The following KCND2 variants were observed in gnomAD, a reference collection of about 807,000 sequenced individuals.
KCND2 encodes potassium voltage-gated channel subfamily D member 2, also known as A-type voltage-gated potassium channel KCND2.
Under a neutral mutation model 54.4 loss-of-function variants are expected in KCND2, and 16 were observed. The ratio of observed to expected loss-of-function variants is 0.29; its 90% CI spans 0.20 to 0.45. The LOEUF is 0.45. Among genes scored for constraint, KCND2 ranks in the 20% least tolerant of loss-of-function variants. The probability of loss-of-function intolerance (pLI) is 1.00; values close to 1 mark genes in which losing one functional copy is unlikely to be tolerated. For synonymous variants in KCND2, 317 were observed against 310.7 expected (o/e 1.02, Z -0.21); for missense variants, 486 against 824.2 (o/e 0.59, Z 5.02).
chr7:120,316,674 T>C (rs977760335), intron 1 of KCND2, among the ~76,000 whole-genome samples: 3 of 152,140 alleles, frequency 2.0e-5, no homozygotes, highest in Non-Finnish European at 2.9e-5. Context: ...TTATTCTGAT[T>C]ACGATGAAAA....
intron 1 of KCND2, among the ~76,000 whole-genome samples, chr7:120,510,941 C>T (rs1209886504): frequency 6.7e-6 from 1 of 148,756 alleles, no homozygotes; most frequent in Middle Eastern, 3.4e-3. Flanking sequence ...CTTCACATTT[C>T]GTAGAAAAAC....
chr7:120,378,636 G>T (rs1225348004), intron 1 of KCND2, among the ~76,000 whole-genome samples: 1 of 151,844 alleles, frequency 6.6e-6, no homozygotes, highest in Non-Finnish European at 1.5e-5. Context: ...TGTAAAGCAG[G>T]TTCACAAAAA....
chr7:120,520,956 G>C (rs546800691), intron 1 of KCND2, among the ~76,000 whole-genome samples: 44 of 152,236 alleles, frequency 2.9e-4, no homozygotes, highest in African/African-American at 9.4e-4. Flanking sequence ...AAAGAGAATG[G>C]AGAAAGTATA....
intron 1 of KCND2, among the ~76,000 whole-genome samples, chr7:120,343,955 T>C (rs1001950884): frequency 1.4e-4 from 22 of 152,116 alleles, no homozygotes; most frequent in Admixed American, 5.9e-4. Context: ...CATAAAGTCT[T>C]TACGACTGCA....
chr7:120,537,769 C>G (rs1310005742), intron 1 of KCND2, among the ~76,000 whole-genome samples: 1 of 152,160 alleles, frequency 6.6e-6, no homozygotes, highest in Admixed American at 6.6e-5. Flanking sequence ...AATTTGTCTT[C>G]TGCAGCTTCC....
intron 1 of KCND2, among the ~76,000 whole-genome samples, chr7:120,573,757 A>T (rs1792394169): frequency 6.6e-6 from 1 of 152,144 alleles, no homozygotes; most frequent in Admixed American, 6.6e-5. Context: ...TGCATACCAG[A>T]TATAGTCACA....
chr7:120,398,521 G>A (rs760527267), intron 1 of KCND2, among the ~76,000 whole-genome samples: 1 of 152,046 alleles, frequency 6.6e-6, no homozygotes, highest in Non-Finnish European at 1.5e-5. Context: ...TGTCTCTAGA[G>A]GGAGTGAGTG....
At position 120,606,717 on chromosome 7, in the gene KCND2, G is replaced by A. The variant is rs114641778; in HGVS notation, c.1116-126186G>A. Among the ~76,000 whole-genome samples, 997 of 151,822 alleles carry A rather than the reference G, an allele frequency of 6.6e-3. 10 individuals are homozygous for A. The highest frequency in any genetic ancestry group is 0.022 in the African/African-American group (928 of 41,462). On this transcript the variant is annotated intron_variant, in intron 1 of 5. Transcript: ENST00000331113. Reference sequence around the variant, plus strand: ...TCTGAACTTTTAATCCTATTTCATTGATATGTGTATGTAATATAATATATA... The same window carrying A: ...TCTGAACTTTTAATCCTATTTCATTAATATGTGTATGTAATATAATATATA...
chr7:120,519,240 C>A (rs552799759), intron 1 of KCND2, among the ~76,000 whole-genome samples: 1 of 152,142 alleles, frequency 6.6e-6, no homozygotes, highest in East Asian at 1.9e-4. Context: ...TACTTGGAGG[C>A]TGAGGTAGGA....
intron 1 of KCND2, among the ~76,000 whole-genome samples, chr7:120,316,378 A>G (rs553919387): frequency 6.6e-6 from 1 of 152,324 alleles, no homozygotes; most frequent in East Asian, 1.9e-4. Flanking sequence ...CTGTAAGCTC[A>G]ATTATTTTAA....
At chr7:120,629,282 T>C (rs944398176) in intron 1 of KCND2, among the ~76,000 whole-genome samples, 4 of 152,186 alleles carry the variant, frequency 2.6e-5, no homozygotes, top group Non-Finnish European at 5.9e-5. Context: ...GGTCAGGAGA[T>C]TGAGACTATG....
intron 1 of KCND2, among the ~76,000 whole-genome samples, chr7:120,642,957 A>G (rs1047740121): frequency 6.6e-6 from 1 of 152,200 alleles, no homozygotes; most frequent in Non-Finnish European, 1.5e-5. Flanking sequence ...TTTCAACTCT[A>G]TGGAAAGAAC....
intron 1 of KCND2, among the ~76,000 whole-genome samples, chr7:120,313,965 G>A (rs571256662): frequency 1.1e-4 from 16 of 150,990 alleles, no homozygotes; most frequent in African/African-American, 3.9e-4. Flanking sequence ...AGAAAAAAAA[G>A]CCAACATCAT....
intron 1 of KCND2, among the ~76,000 whole-genome samples, chr7:120,705,902 T>C (rs1017232176): frequency 2.0e-5 from 3 of 152,048 alleles, no homozygotes; most frequent in African/African-American, 7.2e-5. Context: ...TCTTTTCTTT[T>C]CTCATTTCAC....
At chr7:120,337,884 A>C (rs1224239865) in intron 1 of KCND2, among the ~76,000 whole-genome samples, 2 of 152,290 alleles carry the variant, frequency 1.3e-5, no homozygotes, top group African/African-American at 4.8e-5. Flanking sequence ...TGAAGTTTTA[A>C]AAGTTTTTAT....
intron 1 of KCND2, among the ~76,000 whole-genome samples, chr7:120,505,933 C>T (rs1803009554): frequency 6.6e-6 from 1 of 151,484 alleles, no homozygotes; most frequent in Non-Finnish European, 1.5e-5. Flanking sequence ...ATTTTATTTT[C>T]AAGAAAATTA....
At chr7:120,682,934 T>G (rs867325807) in intron 1 of KCND2, among the ~76,000 whole-genome samples, 1 of 152,160 alleles carries the variant, frequency 6.6e-6, no homozygotes, top group Non-Finnish European at 1.5e-5. Context: ...GCCGTAAGCA[T>G]CACATGTTCA....
intron 1 of KCND2, among the ~76,000 whole-genome samples, chr7:120,411,301 T>A (rs1004574173): frequency 6.7e-6 from 1 of 148,754 alleles, no homozygotes; most frequent in Non-Finnish European, 1.5e-5. Context: ...GGAAATGTCA[T>A]TTTTTTTTTC....
rs146677925 is a variant in KCND2 at position 120,590,248 on chromosome 7, A to T, written c.1116-142655A>T. On this transcript the variant is annotated intron_variant, in intron 1 of 5. Transcript: ENST00000331113. ...TGGCCCCGCTGGTCTCGAACTCCTG[A>T]CCTCAAGATATCTGCTCACTCGGAT... Among the ~76,000 whole-genome samples the T allele has an allele frequency of 6.6e-5, 10 of 152,094 alleles. No homozygotes were observed. In the East Asian group the frequency reaches 1.9e-3, roughly 29 times the overall value.
Sources: allele counts gnomAD v4.1 joint callset (sites outside exome capture counted in the v4.1 genomes callset), GRCh38; gene constraint gnomAD v4.1.1; transcripts MANE v1.5; gene names NCBI Gene and HGNC (gene_info 2026-07-23, HGNC 2026-07-21).